Variants in SKI observed in about 807,000 individuals in gnomAD.
SKI encodes the protein ski oncogene.
In SKI, 23 loss-of-function variants were observed where a neutral mutation model predicts 59.3. The ratio of observed to expected loss-of-function variants is 0.39; its 90% CI spans 0.28 to 0.55. SKI has a LOEUF of 0.55. Among genes scored for constraint, SKI ranks in the 20% least tolerant of loss-of-function variants. The probability of loss-of-function intolerance (pLI) is 0.67; values close to 1 mark genes in which losing one functional copy is unlikely to be tolerated. For synonymous variants in SKI, 673 were observed against 488.6 expected (o/e 1.38, Z -4.98); for missense variants, 1,017 against 1,038.9 (o/e 0.98, Z 0.29).
In SKI at chr1:2,303,246, T is replaced by C. The variant is rs190301434; in HGVS notation, c.1096-39T>C. 1.4e-3 allele frequency: 2,190 copies of C among 1,608,710 alleles called. 31 individuals carry two copies. In the African/African-American group the frequency reaches 0.025, roughly 18 times the overall value. ...CTCAGGGACATGAAGTGGCTTGTTT[T>C]TCTCCTGGTCACTCACACAGACAAC... On this transcript the variant is annotated intron_variant, in intron 2 of 6. Transcript: ENST00000378536. This position sits in a 1 kb window ranked among gnomAD's most constrained non-coding sequence, Gnocchi z 5.6.
chr1:2,236,755 C>T (rs557853666), intron 1 of SKI, among the ~76,000 whole-genome samples: 3 of 152,218 alleles, frequency 2.0e-5, no homozygotes, highest in Admixed American at 6.5e-5. Flanking sequence ...ACCTGGGGGG[C>T]GCTTCTACCC....
intron 1 of SKI, among the ~76,000 whole-genome samples, chr1:2,265,226 G>A (rs1639476106): frequency 1.3e-5 from 2 of 152,198 alleles, no homozygotes; most frequent in Admixed American, 6.5e-5. Flanking sequence ...AGGTTTGGAA[G>A]GTGTGTCTCC....
At chr1:2,242,740 A>C (rs1162477116) in intron 1 of SKI, among the ~76,000 whole-genome samples, 1 of 152,056 alleles carries the variant, frequency 6.6e-6, no homozygotes, top group Non-Finnish European at 1.5e-5. Flanking sequence ...GACTGGTCTG[A>C]AACTCCTGGG....
At chr1:2,253,930 C>G (rs901042817) in intron 1 of SKI, among the ~76,000 whole-genome samples, 1 of 152,238 alleles carries the variant, frequency 6.6e-6, no homozygotes, top group Non-Finnish European at 1.5e-5. Flanking sequence ...AGTGGTGTCC[C>G]CAGAGTGCCT....
At chr1:2,302,415 A>AATGC (rs1314500575) in intron 1 of SKI, among the ~76,000 whole-genome samples, 26 of 152,112 alleles carry the variant, frequency 1.7e-4, no homozygotes, top group Admixed American at 1.4e-3. Context: ...CCCACTCTTT[A>AATGC]ATGCACCTGT....
At position 2,229,439 on chromosome 1, in the gene SKI, T is replaced by C; in HGVS notation, c.673T>C (p.Phe225Leu). ...ERSVRVYHEC[F>L]GKCKGLLVPE... ...CAGCGTCCGCGTGTACCACGAGTGC[T>C]TCGGCAAGTGTAAGGGGCTGCTGGT... Residue 225 changes from phenylalanine (F) to leucine (L), a missense_variant, in exon 1 of 7, where the codon TTC becomes CTC. Physicochemically the swap from Phe to Leu is conservative, Grantham distance 22. Transcript: ENST00000378536. The surrounding 1 kb of genome is among the most constrained non-coding windows in gnomAD (Gnocchi z 6.3). The C allele has an allele frequency of 1.9e-6, 3 of 1,612,082 alleles. No individual in the cohort carries two copies. The highest frequency in any genetic ancestry group is 2.5e-6 in the Non-Finnish European group (3 of 1,179,720).
chr1:2,242,505 T>G (rs1046875983), intron 1 of SKI, among the ~76,000 whole-genome samples: 4 of 152,156 alleles, frequency 2.6e-5, no homozygotes, highest in Non-Finnish European at 4.4e-5. Flanking sequence ...CTCTACCACA[T>G]TGATGGAAAG....
At position 2,267,934 on chromosome 1, in the gene SKI, C is replaced by T. The variant is rs1011405968; in HGVS notation, c.970-35044C>T. Among the ~76,000 whole-genome samples, 3 of 152,168 alleles carry T rather than the reference C, an allele frequency of 2.0e-5. No individual in the cohort carries two copies. Among genetic ancestry groups the T allele is most frequent in the Non-Finnish European group, 2.9e-5 (2 of 68,016 alleles). On this transcript the variant is annotated intron_variant, in intron 1 of 6. Transcript: ENST00000378536. The surrounding 1 kb of genome is among the most constrained non-coding windows in gnomAD (Gnocchi z 4.1). ...GAGGCTGGAGGTCCTGTGTGCCACC[C>T]GGGGCCTGTGTGCTGTGGTGGTCGT...
intron 5 of SKI, among the ~76,000 whole-genome samples, chr1:2,305,462 C>A (rs1477081459): frequency 6.6e-6 from 1 of 152,324 alleles, no homozygotes; most frequent in East Asian, 1.9e-4. Context: ...CTCGCCCCAG[C>A]ACGTCCCCCG....
At chr1:2,282,779 G>A (rs1469737588) in intron 1 of SKI, among the ~76,000 whole-genome samples, 1 of 152,074 alleles carries the variant, frequency 6.6e-6, no homozygotes, top group African/African-American at 2.4e-5. Context: ...CCGGCTCTCG[G>A]GGGCGCCAGT....
At chr1:2,290,222 G>A (rs1382009235) in intron 1 of SKI, among the ~76,000 whole-genome samples, 3 of 152,126 alleles carry the variant, frequency 2.0e-5, no homozygotes, top group African/African-American at 4.8e-5. Context: ...GGCAAGTCCC[G>A]GGGCTCCTGG....
At chr1:2,304,249 C>T (rs761410340) in intron 4 of SKI, 44 bp from the exon 5 acceptor site, 24 of 1,551,950 alleles carry the variant, frequency 1.5e-5, no homozygotes, top group African/African-American at 6.8e-5. Flanking sequence ...GTGGAGCTGC[C>T]GGGCACTTCC....
intron 1 of SKI, among the ~76,000 whole-genome samples, chr1:2,249,091 G>A (rs1229198873): frequency 6.6e-6 from 1 of 152,258 alleles, no homozygotes; most frequent in Admixed American, 6.5e-5. Flanking sequence ...ATGCGGTCGA[G>A]TGCTGTTGTT....
chr1:2,286,266 A>G (rs1362352823), intron 1 of SKI, among the ~76,000 whole-genome samples: 2 of 152,136 alleles, frequency 1.3e-5, no homozygotes, highest in African/African-American at 2.4e-5. Context: ...CTTTGGAAGG[A>G]CAAGGTGGGC....
Position 2,228,517 on chromosome 1 carries a change from C to T in SKI, c.-250C>T, listed in dbSNP as rs1413562968. On this transcript the variant is annotated 5_prime_UTR_variant, in exon 1 of 7. Coordinates refer to ENST00000378536, the MANE Select transcript of SKI (RefSeq NM_003036.4). ...CGGGGGGCCCGGGCGGCGGCGGGCG[C>T]GGCGCGGGGCGCGTGGATGTGGCGC... Among the ~76,000 whole-genome samples, 1 of 142,354 alleles carries T rather than the reference C, an allele frequency of 7.0e-6. No homozygotes were observed. Among genetic ancestry groups the T allele is most frequent in the South Asian group, 2.1e-4 (1 of 4,662 alleles). 93.4% of individuals were successfully genotyped at this position (142,354 alleles called of 152,430 possible). A position where few individuals can be genotyped will look rare whatever the true frequency, so the allele number is the denominator to read the frequency against.
At chr1:2,286,709 A>C (rs886360029) in intron 1 of SKI, among the ~76,000 whole-genome samples, 1 of 152,232 alleles carries the variant, frequency 6.6e-6, no homozygotes, top group Non-Finnish European at 1.5e-5. Flanking sequence ...GAGTGAGGAC[A>C]GACTGCGTGT....
At chr1:2,238,930 G>T (rs908379642) in intron 1 of SKI, among the ~76,000 whole-genome samples, 6 of 152,282 alleles carry the variant, frequency 3.9e-5, no homozygotes, top group South Asian at 2.1e-4. Flanking sequence ...CTCAGCTGCT[G>T]CTTCCCTGGA....
chr1:2,229,840 G>T lies in SKI; in HGVS notation c.969+105G>T. On this transcript the variant is annotated intron_variant, in intron 1 of 6. Coordinates refer to ENST00000378536, the MANE Select transcript of SKI (RefSeq NM_003036.4). The surrounding 1 kb of genome is among the most constrained non-coding windows in gnomAD (Gnocchi z 6.3). ...GAAGGCTGGGACCTGTGCTTCTGCC[G>T]TGCCCCATGTCTCCAGTCTTCGCTT... The T allele has an allele frequency of 6.5e-7, 1 of 1,527,106 alleles. No individual in the cohort carries two copies. Among genetic ancestry groups the T allele is most frequent in the Non-Finnish European group, 8.8e-7 (1 of 1,131,412 alleles). The allele number at this position is 1,527,106 out of a possible 1,614,324, so 94.6% of individuals were successfully genotyped here.
intron 1 of SKI, among the ~76,000 whole-genome samples, chr1:2,241,567 G>T (rs975760556): frequency 2.0e-5 from 3 of 152,156 alleles, no homozygotes; most frequent in Admixed American, 2.0e-4. Flanking sequence ...TAATTTTTTT[G>T]TGTTTTTAGT....
Sources: gnomAD v4.1 joint callset for allele counts (sites outside exome capture counted in the v4.1 genomes callset) on GRCh38, gnomAD v4.1.1 for gene constraint, Gnocchi (gnomAD v3.1) non-coding constraint, MANE v1.5 for transcripts, NCBI Gene and HGNC (gene_info 2026-07-23, HGNC 2026-07-21) for gene names.